ANKRD28: variants seen among roughly 807,000 people sequenced by gnomAD.
ANKRD28 encodes ankyrin repeat domain 28.
A neutral mutation model predicts 126.5 loss-of-function variants in ANKRD28; 44 were observed. The observed-to-expected ratio is 0.35, with a 90% CI of 0.27 to 0.45. ANKRD28 has a LOEUF of 0.45. Ranked by LOEUF, ANKRD28 falls within the 20% of genes least tolerant of loss-of-function variation. The probability of loss-of-function intolerance (pLI) is 1.00; values close to 1 mark genes in which losing one functional copy is unlikely to be tolerated. For synonymous variants in ANKRD28, 442 were observed against 468.5 expected (o/e 0.94, Z 0.73); for missense variants, 1,110 against 1,316.6 (o/e 0.84, Z 2.43).
chr3:15,797,451 A>G lies in ANKRD28; in HGVS notation c.-930T>C. On this transcript the variant is annotated 5_prime_UTR_variant, in exon 1 of 28. Coordinates refer to ENST00000683139, the MANE Select transcript of ANKRD28 (RefSeq NM_001349278.2). ...GCTGCTCCAGCAAAAGGGCACAGGC[A>G]CCAGGCAGAAATGGTGTTAGTGGAG... is the stretch of plus-strand genomic sequence containing the variant. 1 of 985,390 alleles carries G rather than the reference A, an allele frequency of 1.0e-6. No homozygotes were observed. Among genetic ancestry groups the G allele is most frequent in the Non-Finnish European group, 1.2e-6 (1 of 829,970 alleles). 61.0% of individuals were successfully genotyped at this position (985,390 alleles called of 1,614,324 possible). A position where few individuals can be genotyped will look rare whatever the true frequency, so the allele number is the denominator to read the frequency against.
chr3:15,782,345 T>TA (rs1274335443), intron 2 of ANKRD28, among the ~76,000 whole-genome samples: 1 of 152,094 alleles, frequency 6.6e-6, no homozygotes, highest in Non-Finnish European at 1.5e-5. Flanking sequence ...AAATGCCACT[T>TA]ACATTAGGAC....
chr3:15,762,392 C>A (rs534716240), intron 3 of ANKRD28, among the ~76,000 whole-genome samples: 4 of 152,120 alleles, frequency 2.6e-5, no homozygotes, highest in Non-Finnish European at 5.9e-5. Context: ...GGAGCCCTTA[C>A]TATTTCCTCA....
At position 15,846,120 on chromosome 3, in the gene ANKRD28, G is replaced by A. The variant is rs891201707; in HGVS notation, c.27+13257C>T. Among the ~76,000 whole-genome samples, 8 of 150,968 alleles carry A rather than the reference G, an allele frequency of 5.3e-5. No individual in the cohort carries two copies. The highest frequency in any genetic ancestry group is 1.3e-4 in the Admixed American group (2 of 15,036). On this transcript the variant is annotated intron_variant, in intron 1 of 27. Transcript: ENST00000399451. The surrounding 1 kb of genome is among the most constrained non-coding windows in gnomAD (Gnocchi z 5.4). ...TCCCAAAATCTTAACTCGTCCCAGCGTTAACTCAGAAATCCAAGCCCAAAG... is the reference window on the plus strand; with the variant it reads ...TCCCAAAATCTTAACTCGTCCCAGCATTAACTCAGAAATCCAAGCCCAAAG...
At chr3:15,808,183 C>A (rs1386705345) in intron 1 of ANKRD28, among the ~76,000 whole-genome samples, 1 of 152,184 alleles carries the variant, frequency 6.6e-6, no homozygotes, top group African/African-American at 2.4e-5. Flanking sequence ...GTTAAATTAG[C>A]AGTTGTTAAG....
intron 3 of ANKRD28, among the ~76,000 whole-genome samples, chr3:15,761,346 C>T (rs1043223492): frequency 6.6e-5 from 10 of 152,004 alleles, no homozygotes; most frequent in Non-Finnish European, 1.5e-4. Flanking sequence ...ATTTTGTTGC[C>T]TATATTTCTC....
intron 1 of ANKRD28, among the ~76,000 whole-genome samples, chr3:15,856,778 T>A (rs879687673): frequency 1.3e-5 from 2 of 152,232 alleles, no homozygotes; most frequent in Non-Finnish European, 2.9e-5. Flanking sequence ...AGAACCCTCC[T>A]GATGCTTAAA....
chr3:15,696,275 A>C (rs749205593), intron 14 of ANKRD28, 30 bp from the exon 15 acceptor site: 66 of 1,382,040 alleles, frequency 4.8e-5, no homozygotes, highest in Non-Finnish European at 5.9e-5. Flanking sequence ...CATACTGAAA[A>C]TCCTAAATCC....
intron 3 of ANKRD28, among the ~76,000 whole-genome samples, chr3:15,763,335 C>T (rs1413187640): frequency 1.3e-5 from 2 of 152,164 alleles, no homozygotes; most frequent in Admixed American, 6.6e-5. Flanking sequence ...ACTTGAGAAA[C>T]AAACCAAAAT....
At chr3:15,676,935 T>C in intron 26 of ANKRD28, 39 bp downstream of exon 26, 3 of 1,514,700 alleles carry the variant, frequency 2.0e-6, no homozygotes, top group African/African-American at 1.4e-5. Context: ...TTTATAATTA[T>C]AGGTCACAAA....
At position 15,667,520 on chromosome 3, in the gene ANKRD28, A is replaced by C. The variant is rs755437483; in HGVS notation, c.*2750T>G. ...ACTCTGTGTGAGGATAAGAAACACT[A>C]CAGAACAGGGCCTGAATGCTTTAGA... On this transcript the variant is annotated 3_prime_UTR_variant, in exon 28 of 28. Coordinates refer to ENST00000683139, the MANE Select transcript of ANKRD28 (RefSeq NM_001349278.2). 2.6e-5 allele frequency: 4 copies of C among 152,256 alleles called. No individual in the cohort carries two copies. The highest frequency in any genetic ancestry group is 5.9e-5 in the Non-Finnish European group (4 of 68,032). 9.4% of individuals were successfully genotyped at this position (152,256 alleles called of 1,614,324 possible). A position where few individuals can be genotyped will look rare whatever the true frequency, so the allele number is the denominator to read the frequency against.
rs191673087 is a variant in ANKRD28, at chr3:15,670,346, T to C, written c.3176A>G (p.Asn1059Ser). The change falls in exon 28 of 28, where the codon AAT becomes AGT. Residue 1059 changes from asparagine (N) to serine (S), a missense_variant. By Grantham distance (46) the Asn-to-Ser change is conservative. Transcript: ENST00000683139. Reference protein sequence around the residue: ...RNEPSSYCSFNNIGGEQEYLY... With the variant: ...RNEPSSYCSFSNIGGEQEYLY... Reference sequence around the variant, plus strand: ...GTACTCCTGTTCCCCTCCAATGTTATTGAAACTGCAATAGGAGCTAGGTTC... The same window carrying C: ...GTACTCCTGTTCCCCTCCAATGTTACTGAAACTGCAATAGGAGCTAGGTTC... 92 of 1,614,018 alleles carry C rather than the reference T, an allele frequency of 5.7e-5. No individual in the cohort carries two copies. Among genetic ancestry groups the C allele is most frequent in the Admixed American group, 1.3e-4 (8 of 60,020 alleles).
At chr3:15,706,774 T>C (rs926481310) in intron 14 of ANKRD28, among the ~76,000 whole-genome samples, 16 of 152,236 alleles carry the variant, frequency 1.1e-4, no homozygotes, top group African/African-American at 2.7e-4. Flanking sequence ...TTTTTAATGA[T>C]TGCCATTCTA....
Position 15,811,161 on chromosome 3 carries a change from T to C in ANKRD28, c.28-15855A>G, listed in dbSNP as rs575398452. Among the ~76,000 whole-genome samples, 12 of 152,320 alleles carry C rather than the reference T, an allele frequency of 7.9e-5. No individual in the cohort carries two copies. The South Asian group carries it at 2.5e-3, about 32-fold the overall frequency. On this transcript the variant is annotated intron_variant, in intron 1 of 27. Transcript: ENST00000399451. ...GGAGAAACAAGGCCTCAGAGTAAGT[T>C]GTTAAGGGACACTGTTATTCTAGAG...
At chr3:15,859,607 G>GCCC (rs1559607149) in exon 1 of ANKRD28, 1 of 192,434 alleles carries the variant, frequency 5.2e-6, no homozygotes, top group Non-Finnish European at 9.7e-6. Flanking sequence ...CGCCGCCGCC[G>GCCC]CCGAGAGGTG....
In ANKRD28 at chr3:15,797,434, AG is replaced by A. The variant is rs1239676269; in HGVS notation, c.-914del. 2.0e-6 allele frequency: 2 copies of A among 985,328 alleles called. No homozygotes were observed. Among genetic ancestry groups the A allele is most frequent in the African/African-American group, 3.5e-5 (2 of 57,220 alleles). 61.0% of individuals were successfully genotyped at this position (985,328 alleles called of 1,614,324 possible). On this transcript the variant is annotated 5_prime_UTR_variant, in exon 1 of 28. Coordinates refer to ENST00000683139, the MANE Select transcript of ANKRD28 (RefSeq NM_001349278.2). ...TCAGGCAGTTGTCTGTGGCTGCTCCAGCAAAAGGGCACAGGCACCAGGCAGA... is the reference window on the plus strand; with the variant it reads ...TCAGGCAGTTGTCTGTGGCTGCTCCACAAAAGGGCACAGGCACCAGGCAGA...
intron 4 of ANKRD28, among the ~76,000 whole-genome samples, chr3:15,744,828 A>G (rs111897651): frequency 2.0e-5 from 3 of 152,278 alleles, no homozygotes; most frequent in African/African-American, 7.2e-5. Flanking sequence ...ACTGTTTTCC[A>G]TAATGGTTGT....
chr3:15,810,809 T>C (rs75276541), intron 1 of ANKRD28, among the ~76,000 whole-genome samples: 49 of 152,034 alleles, frequency 3.2e-4, no homozygotes, highest in African/African-American at 1.1e-3. Flanking sequence ...AGTGGTTACA[T>C]GACAAAGTTC....
chr3:15,742,231 C>T (rs941303127), intron 4 of ANKRD28, among the ~76,000 whole-genome samples: 1 of 150,600 alleles, frequency 6.6e-6, no homozygotes, highest in Non-Finnish European at 1.5e-5. Context: ...CTCTGCCTGG[C>T]TACCCAGTCT....
intron 1 of ANKRD28, among the ~76,000 whole-genome samples, chr3:15,821,690 C>T (rs150385698): frequency 3.0e-3 from 454 of 152,198 alleles, no homozygotes; most frequent in East Asian, 0.01. Flanking sequence ...CATAGGAAAA[C>T]GCTGTGGAAT....
Sources: gnomAD v4.1 joint callset for allele counts (sites outside exome capture counted in the v4.1 genomes callset) on GRCh38, gnomAD v4.1.1 for gene constraint, Gnocchi (gnomAD v3.1) non-coding constraint, MANE v1.5 for transcripts, NCBI Gene and HGNC (gene_info 2026-07-23, HGNC 2026-07-21) for gene names.